USP24: variants seen among roughly 807,000 people sequenced by gnomAD.
USP24 encodes ubiquitin carboxyl-terminal hydrolase 24.
USP24 carries 97 observed loss-of-function variants against 361.6 expected under a neutral mutation model. That is an observed-to-expected ratio of 0.27 (90% CI 0.23 to 0.32). USP24 has a LOEUF of 0.32. Ranked by LOEUF, USP24 falls within the 10% of genes least tolerant of loss-of-function variation. The probability of loss-of-function intolerance (pLI) is 1.00; values close to 1 mark genes in which losing one functional copy is unlikely to be tolerated. For synonymous variants in USP24, 1,098 were observed against 1,124.6 expected (o/e 0.98, Z 0.47); for missense variants, 2,353 against 3,165.6 (o/e 0.74, Z 6.16).
At chr1:55,129,163 A>C (rs1165219) in intron 32 of USP24, among the ~76,000 whole-genome samples, 149,971 of 152,312 alleles carry the variant, frequency 0.98, 73,871 homozygotes, top group East Asian at 1. Context: ...TTACAGCGAT[A>C]AAATTCACCT....
rs767770298 is a variant in USP24, at chr1:55,108,621, G to A, written c.4571-1191C>T. On this transcript the variant is annotated intron_variant, in intron 39 of 67. Transcript: ENST00000294383. ...TTTGTTTCAAGACATGTTATTACCC[G>A]AGAATTCCCCTCACCTCCCAAGATC... is the stretch of plus-strand genomic sequence containing the variant. Among the ~76,000 whole-genome samples, 4 of 152,144 alleles carry A rather than the reference G, an allele frequency of 2.6e-5. No individual in the cohort carries two copies. The East Asian group carries it at 5.8e-4, about 22-fold the overall frequency.
intron 1 of USP24, among the ~76,000 whole-genome samples, chr1:55,201,011 G>A (rs907103900): frequency 5.3e-5 from 8 of 152,214 alleles, no homozygotes; most frequent in Non-Finnish European, 8.8e-5. Flanking sequence ...TAAAGACACC[G>A]GCAATAGCTC....
chr1:55,134,662 G>A (rs1330795878), intron 28 of USP24, among the ~76,000 whole-genome samples: 1 of 152,170 alleles, frequency 6.6e-6, no homozygotes, highest in African/African-American at 2.4e-5. Context: ...AGGGACTAAG[G>A]TGCCAAAAGG....
rs569530507 is a variant in USP24 at position 55,073,483 on chromosome 1, G to C, written c.7526+345C>G. On this transcript the variant is annotated intron_variant, in intron 64 of 67. Transcript: ENST00000294383. ...AGGCTATTCTGAGGTTAGGGACCTA[G>C]AGCCTGAAGAGCTGGTAGCTGGGTT... Among the ~76,000 whole-genome samples the C allele has an allele frequency of 2.0e-5, 3 of 152,294 alleles. No homozygotes were observed. The East Asian group carries it at 5.8e-4, about 29-fold the overall frequency.
At chr1:55,176,845 C>T (rs1374396323) in intron 2 of USP24, among the ~76,000 whole-genome samples, 2 of 151,990 alleles carry the variant, frequency 1.3e-5, no homozygotes, top group Non-Finnish European at 1.5e-5. Context: ...TTTCTAATCC[C>T]AGAACTTTGG....
intron 24 of USP24, among the ~76,000 whole-genome samples, chr1:55,140,833 A>G (rs1231983324): frequency 2.6e-5 from 4 of 152,180 alleles, no homozygotes; most frequent in Non-Finnish European, 5.9e-5. Context: ...AAAACCCACA[A>G]AAGTATTTTA....
At chr1:55,146,829 T>C in intron 19 of USP24, 100 bp downstream of exon 19, 4 of 1,436,020 alleles carry the variant, frequency 2.8e-6, no homozygotes, top group Non-Finnish European at 3.8e-6. Flanking sequence ...CTATTTATGC[T>C]TATATAAACT....
At chr1:55,162,994 C>T (rs773666116) in intron 7 of USP24, among the ~76,000 whole-genome samples, 7 of 152,018 alleles carry the variant, frequency 4.6e-5, no homozygotes, top group Non-Finnish European at 5.9e-5. Context: ...CATTGGCACA[C>T]GGGCCTTTGA....
chr1:55,181,960 T>G lies in USP24; in HGVS notation c.325-3828A>C, dbSNP rs147459790. 3.7e-4 allele frequency among the ~76,000 whole-genome samples: 56 copies of G among 152,356 alleles called. No individual in the cohort carries two copies. The East Asian group carries it at 0.011, about 29-fold the overall frequency. On this transcript the variant is annotated intron_variant, in intron 1 of 67. Coordinates refer to ENST00000294383, the MANE Select transcript of USP24 (RefSeq NM_015306.3). Reference sequence around the variant, plus strand: ...AAGGGACATCAGAGATCTCCCTGTTTGTCAGTGCACAGAGGAAAGGCCAGG... The same window carrying G: ...AAGGGACATCAGAGATCTCCCTGTTGGTCAGTGCACAGAGGAAAGGCCAGG...
At chr1:55,135,070 G>A (rs921667227) in intron 28 of USP24, among the ~76,000 whole-genome samples, 1 of 152,154 alleles carries the variant, frequency 6.6e-6, no homozygotes, top group Non-Finnish European at 1.5e-5. Flanking sequence ...AAGATACTAT[G>A]TACACTGTTT....
chr1:55,070,902 G>C (rs994455909), intron 67 of USP24, among the ~76,000 whole-genome samples: 1 of 152,180 alleles, frequency 6.6e-6, no homozygotes, highest in East Asian at 1.9e-4. Context: ...ACTGTCACAG[G>C]AGAGGAGACA....
chr1:55,144,294 A>AT (rs1646971223), intron 20 of USP24, 91 bp from the exon 21 acceptor site: 2 of 778,780 alleles, frequency 2.6e-6, no homozygotes, highest in Non-Finnish European at 3.8e-6. Flanking sequence ...AACTAAAACC[A>AT]TAAGACTCTT....
intron 39 of USP24, among the ~76,000 whole-genome samples, 173 bp downstream of exon 39, chr1:55,110,012 A>G (rs1327568654): frequency 6.6e-6 from 1 of 152,242 alleles, no homozygotes; most frequent in Non-Finnish European, 1.5e-5. Flanking sequence ...ACAGAAGAAG[A>G]GCTCACTGGT....
At chr1:55,128,712 CCTTT>C (rs1646507509) in intron 32 of USP24, among the ~76,000 whole-genome samples, 2 of 141,522 alleles carry the variant, frequency 1.4e-5, no homozygotes, top group Non-Finnish European at 1.6e-5. Context: ...TGCTTTAATA[CCTTT>C]TTTTTTTTTT....
intron 12 of USP24, 117 bp from the exon 13 acceptor site, chr1:55,154,895 G>C (rs1647473112): frequency 1.5e-6 from 1 of 682,358 alleles, no homozygotes; most frequent in Non-Finnish European, 2.5e-6. Flanking sequence ...ATTGACTCTA[G>C]TGTAATCAGC....
intron 32 of USP24, among the ~76,000 whole-genome samples, chr1:55,128,197 A>T (rs1293987039): frequency 6.6e-6 from 1 of 152,084 alleles, no homozygotes; most frequent in East Asian, 1.9e-4. Flanking sequence ...AAATGTCCCC[A>T]CCCTCTACCT....
At chr1:55,069,173 G>T in intron 67 of USP24, 66 bp from the exon 68 acceptor site, 1 of 1,538,216 alleles carries the variant, frequency 6.5e-7, no homozygotes. Flanking sequence ...GCTGACTTGT[G>T]TTCTGCAATT....
At chr1:55,127,800 G>A (rs1019835163) in intron 32 of USP24, among the ~76,000 whole-genome samples, 1 of 152,100 alleles carries the variant, frequency 6.6e-6, no homozygotes, top group African/African-American at 2.4e-5. Flanking sequence ...GTTTTGATTT[G>A]CATTTCTCTG....
In USP24 at chr1:55,182,360, A is replaced by C. The variant is rs149824759; in HGVS notation, c.325-4228T>G. 1.7e-3 allele frequency among the ~76,000 whole-genome samples: 258 copies of C among 152,146 alleles called. 2 individuals are homozygous for C. Among genetic ancestry groups the C allele is most frequent in the Middle Eastern group, 6.8e-3 (2 of 294 alleles). ...GAGCCATTGCGCCCGGCCTCTAATGACTTCTTGATCTTGGACTTCTAGCCC... is the reference window on the plus strand; with the variant it reads ...GAGCCATTGCGCCCGGCCTCTAATGCCTTCTTGATCTTGGACTTCTAGCCC... On this transcript the variant is annotated intron_variant, in intron 1 of 67. Coordinates refer to ENST00000294383, the MANE Select transcript of USP24 (RefSeq NM_015306.3).
Sources: allele counts gnomAD v4.1 joint callset (sites outside exome capture counted in the v4.1 genomes callset), GRCh38; gene constraint gnomAD v4.1.1; transcripts MANE v1.5; gene names NCBI Gene and HGNC (gene_info 2026-07-23, HGNC 2026-07-21).